Variants in CADPS2 observed in about 807,000 individuals in gnomAD.
The protein encoded by CADPS2 is calcium-dependent secretion activator 2.
A neutral mutation model predicts 172.5 loss-of-function variants in CADPS2; 93 were observed. That is an observed-to-expected ratio of 0.54 (90% CI 0.46 to 0.64). The LOEUF (loss-of-function observed/expected upper bound fraction) is 0.64. CADPS2 is among the 30% of genes least tolerant of loss of function. The pLI, the probability that CADPS2 is intolerant of heterozygous loss-of-function variation, is 0.00. For synonymous variants in CADPS2, 546 were observed against 555.2 expected (o/e 0.98, Z 0.23); for missense variants, 1,420 against 1,565.9 (o/e 0.91, Z 1.57).
intron 1 of CADPS2, among the ~76,000 whole-genome samples, chr7:122,794,551 AATC>A (rs2139765714): frequency 6.6e-6 from 1 of 152,110 alleles, no homozygotes; most frequent in African/African-American, 2.4e-5. Context: ...GACAATATTA[AATC>A]ATCAAGACAG....
chr7:122,543,238 T>C (rs1448760544), intron 8 of CADPS2, among the ~76,000 whole-genome samples: 3 of 152,110 alleles, frequency 2.0e-5, no homozygotes, highest in Non-Finnish European at 4.4e-5. Context: ...TTTTTACATA[T>C]GATTATGCTG....
intron 2 of CADPS2, among the ~76,000 whole-genome samples, chr7:122,677,009 G>C (rs190586386): frequency 6.6e-6 from 1 of 152,184 alleles, no homozygotes; most frequent in Admixed American, 6.5e-5. Context: ...GGACACACTT[G>C]TGTAGCCCTC....
At chr7:122,322,833 G>A (rs1037433096) in intron 29 of CADPS2, among the ~76,000 whole-genome samples, 5 of 152,060 alleles carry the variant, frequency 3.3e-5, no homozygotes, top group Non-Finnish European at 7.4e-5. Context: ...AATTTTGATG[G>A]CATCTAGGTC....
intron 1 of CADPS2, among the ~76,000 whole-genome samples, chr7:122,877,424 C>A (rs902518673): frequency 2.0e-5 from 3 of 151,980 alleles, no homozygotes; most frequent in African/African-American, 7.3e-5. Flanking sequence ...ACATATGAAA[C>A]AAAAGAGGTA....
At position 122,361,088 on chromosome 7, in the gene CADPS2, A is replaced by G. The variant is rs143017876; in HGVS notation, c.3388-75T>C. The G allele has an allele frequency of 7.6e-3, 9,605 of 1,257,920 alleles. 50 individuals carry two copies. The highest frequency in any genetic ancestry group is 9.6e-3 in the Non-Finnish European group (8,449 of 884,484). The allele number at this position is 1,257,920 out of a possible 1,614,324, so 77.9% of individuals were successfully genotyped here. ...TAATAGCAGGACAAACAATTCCTGAATCAATTTCTTCCATCGCACAAAAAT... is the reference window on the plus strand; with the variant it reads ...TAATAGCAGGACAAACAATTCCTGAGTCAATTTCTTCCATCGCACAAAAAT... On this transcript the variant is annotated intron_variant, in intron 25 of 29. Transcript: ENST00000449022.
At chr7:122,644,963 G>T (rs1026085991) in intron 3 of CADPS2, among the ~76,000 whole-genome samples, 6 of 151,636 alleles carry the variant, frequency 4.0e-5, no homozygotes, top group Non-Finnish European at 8.8e-5. Flanking sequence ...CAGTTATAAG[G>T]GTCTTAAAAA....
At chr7:122,799,562 C>T (rs890420664) in intron 1 of CADPS2, among the ~76,000 whole-genome samples, 6 of 148,838 alleles carry the variant, frequency 4.0e-5, no homozygotes, top group Non-Finnish European at 8.9e-5. Flanking sequence ...AGAGATCGCA[C>T]CACTGCACTC....
chr7:122,562,352 G>A (rs1488230417), intron 7 of CADPS2, among the ~76,000 whole-genome samples: 1 of 152,108 alleles, frequency 6.6e-6, no homozygotes, highest in Non-Finnish European at 1.5e-5. Flanking sequence ...ATGTGAAAAG[G>A]ACTTGACCAG....
chr7:122,477,543 C>CA (rs74426975), intron 12 of CADPS2, among the ~76,000 whole-genome samples: 335 of 111,970 alleles, frequency 3.0e-3, no homozygotes, highest in African/African-American at 3.2e-3. Context: ...CCGACCCCAC[C>CA]AAAAAAAAAA....
At chr7:122,453,466 T>G (rs2053388555) in intron 14 of CADPS2, among the ~76,000 whole-genome samples, 1 of 152,222 alleles carries the variant, frequency 6.6e-6, no homozygotes, top group South Asian at 2.1e-4. Flanking sequence ...TATAAATCAT[T>G]AATTTGGAAT....
chr7:122,669,416 CAGG>C (rs2081545684), intron 2 of CADPS2, among the ~76,000 whole-genome samples: 1 of 149,444 alleles, frequency 6.7e-6, no homozygotes, highest in Non-Finnish European at 1.5e-5. Flanking sequence ...CAGAGATAAA[CAGG>C]AGGATTATAC....
intron 28 of CADPS2, among the ~76,000 whole-genome samples, chr7:122,338,133 A>G (rs1422246808): frequency 6.6e-6 from 1 of 152,230 alleles, no homozygotes; most frequent in African/African-American, 2.4e-5. Context: ...ATGGTGGCTC[A>G]TGCCTGTAAT....
At chr7:122,536,381 T>G (rs992665710) in intron 8 of CADPS2, among the ~76,000 whole-genome samples, 1 of 151,980 alleles carries the variant, frequency 6.6e-6, no homozygotes, top group Non-Finnish European at 1.5e-5. Flanking sequence ...TCAGATATAA[T>G]TAAAAATATA....
intron 1 of CADPS2, among the ~76,000 whole-genome samples, chr7:122,839,898 A>G (rs1317497060): frequency 6.6e-6 from 1 of 152,196 alleles, no homozygotes; most frequent in Non-Finnish European, 1.5e-5. Context: ...TAAAACTAGA[A>G]ATACCATTTG....
chr7:122,497,546 C>G (rs184808051), intron 9 of CADPS2, among the ~76,000 whole-genome samples: 395 of 152,284 alleles, frequency 2.6e-3, no homozygotes, highest in African/African-American at 9.1e-3. Context: ...CCATTCCCAT[C>G]TGTTAACTCA....
intron 1 of CADPS2, among the ~76,000 whole-genome samples, chr7:122,795,414 G>C (rs6960106): frequency 6.6e-6 from 1 of 151,842 alleles, no homozygotes; most frequent in African/African-American, 2.4e-5. Context: ...CCAGGAAAAT[G>C]TGAACCCCTG....
At chr7:122,541,566 C>A (rs1047219699) in intron 8 of CADPS2, among the ~76,000 whole-genome samples, 1 of 143,806 alleles carries the variant, frequency 7.0e-6, no homozygotes, top group Non-Finnish European at 1.5e-5. Context: ...AATGAATATA[C>A]ATATATTCAT....
At chr7:122,690,263 G>A (rs966689759) in intron 2 of CADPS2, among the ~76,000 whole-genome samples, 2 of 152,170 alleles carry the variant, frequency 1.3e-5, no homozygotes, top group Admixed American at 1.3e-4. Flanking sequence ...AAGGGCTTCT[G>A]CCCTGGGTGA....
At chr7:122,361,358 C>T (rs1399369609) in intron 25 of CADPS2, among the ~76,000 whole-genome samples, 3 of 151,476 alleles carry the variant, frequency 2.0e-5, no homozygotes, top group African/African-American at 4.9e-5. Context: ...CTCAGCCTCC[C>T]GAGTAGCTGG....
Sources: gnomAD v4.1 joint callset for allele counts (sites outside exome capture counted in the v4.1 genomes callset) on GRCh38, gnomAD v4.1.1 for gene constraint, MANE v1.5 for transcripts, NCBI Gene and HGNC (gene_info 2026-07-23, HGNC 2026-07-21) for gene names.